The following PBX1 variants were observed in gnomAD, a reference collection of about 807,000 sequenced individuals.
PBX1 encodes the protein pre-B-cell leukemia transcription factor 1.
PBX1 carries 6 observed loss-of-function variants against 53.4 expected under a neutral mutation model. That is an observed-to-expected ratio of 0.11 (90% CI 0.06 to 0.22). PBX1 has a LOEUF of 0.22. PBX1 is among the 10% of genes least tolerant of loss of function. The probability of loss-of-function intolerance (pLI) is 1.00; values close to 1 mark genes in which losing one functional copy is unlikely to be tolerated. For synonymous variants in PBX1, 204 were observed against 212.3 expected (o/e 0.96, Z 0.34); for missense variants, 251 against 551.4 (o/e 0.46, Z 5.46).
intron 2 of PBX1, among the ~76,000 whole-genome samples, chr1:164,678,627 A>G (rs570266803): frequency 1.8e-4 from 27 of 152,254 alleles, no homozygotes; most frequent in African/African-American, 6.0e-4. Context: ...CCCTGCAACA[A>G]TTTAACCTAT....
At chr1:164,806,325 G>T (rs1385629874) in intron 4 of PBX1, among the ~76,000 whole-genome samples, 1 of 151,754 alleles carries the variant, frequency 6.6e-6, no homozygotes, top group Non-Finnish European at 1.5e-5. Flanking sequence ...TCTCCTTTTT[G>T]GCAACCTGTA....
chr1:164,576,508 C>T (rs1283450020), intron 2 of PBX1, among the ~76,000 whole-genome samples: 1 of 152,186 alleles, frequency 6.6e-6, no homozygotes, highest in South Asian at 2.1e-4. Flanking sequence ...GAGTTCCCAG[C>T]GCAGGCCGCA....
chr1:164,722,380 C>G (rs764793816), intron 2 of PBX1, among the ~76,000 whole-genome samples: 4 of 152,160 alleles, frequency 2.6e-5, no homozygotes, highest in African/African-American at 9.7e-5. Context: ...TTAATTCCAT[C>G]GATTTGAAAT....
chr1:164,693,846 A>C, intron 2 of PBX1, among the ~76,000 whole-genome samples: 1 of 152,176 alleles, frequency 6.6e-6, no homozygotes, highest in East Asian at 1.9e-4. Context: ...ACGTGCAGCT[A>C]ATCATAGGCA....
At chr1:164,876,729 C>T (rs1416434997) in intron 2 of PBX1, among the ~76,000 whole-genome samples, 1 of 152,126 alleles carries the variant, frequency 6.6e-6, no homozygotes, top group Non-Finnish European at 1.5e-5. Context: ...TAGCTGTTTT[C>T]TTCTTTGCAT....
In PBX1 at chr1:164,846,495, C is replaced by T. The variant is rs1671575006; in HGVS notation, c.1201-89C>T. 12 of 1,080,670 alleles carry T rather than the reference C, an allele frequency of 1.1e-5. No individual in the cohort carries two copies. The East Asian group carries it at 2.6e-4, about 23-fold the overall frequency. 66.9% of individuals were successfully genotyped at this position (1,080,670 alleles called of 1,614,324 possible). On this transcript the variant is annotated intron_variant, in intron 8 of 8. Transcript: ENST00000420696. ...CCATGTGCCAGGCACTATGCTAGGT[C>T]CTTTACACAAGATGCCTCATTGTCA...
At chr1:164,749,296 C>T (rs1419395025) in intron 2 of PBX1, among the ~76,000 whole-genome samples, 1 of 152,096 alleles carries the variant, frequency 6.6e-6, no homozygotes, top group East Asian at 1.9e-4. Flanking sequence ...CAACTTAATA[C>T]AGAAATTTTC....
intron 2 of PBX1, among the ~76,000 whole-genome samples, chr1:164,786,681 CTGTGTGTGTGTGTG>C (rs74747780): frequency 1.7e-3 from 234 of 140,610 alleles, no homozygotes; most frequent in African/African-American, 4.5e-3. Flanking sequence ...TCAGAAGAGA[CTGTGTGTGTGTGTG>C]TGTGTGTGTG....
At chr1:164,803,466 C>T (rs3767370) in intron 4 of PBX1, among the ~76,000 whole-genome samples, 74,961 of 152,002 alleles carry the variant, frequency 0.49, 18,810 homozygotes, top group South Asian at 0.57. Context: ...ACACAAGGGT[C>T]TCAAATATGA....
At chr1:164,565,189 G>T (rs1249092820) in intron 2 of PBX1, among the ~76,000 whole-genome samples, 1 of 152,006 alleles carries the variant, frequency 6.6e-6, no homozygotes, top group Non-Finnish European at 1.5e-5. Flanking sequence ...TTCGCTCCTT[G>T]TTCATGTTGG....
chr1:164,584,362 A>AG, intron 2 of PBX1, among the ~76,000 whole-genome samples: 1 of 151,088 alleles, frequency 6.6e-6, no homozygotes, highest in African/African-American at 2.5e-5. Context: ...AGAGAGAGAG[A>AG]AAGAGAGAGA....
chr1:164,843,297 A>C (rs1055593135), intron 8 of PBX1, among the ~76,000 whole-genome samples: 4 of 152,186 alleles, frequency 2.6e-5, no homozygotes, highest in African/African-American at 9.7e-5. Flanking sequence ...GCTTCTTCTA[A>C]AAAGTATTTG....
At chr1:164,786,625 A>G (rs1248062657) in intron 2 of PBX1, among the ~76,000 whole-genome samples, 3 of 151,534 alleles carry the variant, frequency 2.0e-5, no homozygotes, top group African/African-American at 4.8e-5. Flanking sequence ...TTCCATTACT[A>G]TCTGATTGTT....
At chr1:164,682,951 A>G (rs1661874570) in intron 2 of PBX1, 1 of 152,244 alleles carries the variant, frequency 6.6e-6, no homozygotes, top group Non-Finnish European at 1.5e-5. Flanking sequence ...CCCATAGGCG[A>G]GTACTGCTCA....
intron 2 of PBX1, among the ~76,000 whole-genome samples, chr1:164,612,343 C>T (rs1023864907): frequency 2.0e-5 from 3 of 152,108 alleles, no homozygotes; most frequent in Admixed American, 2.0e-4. Flanking sequence ...CATTGAGCAG[C>T]TGCAACGGTT....
At chr1:164,655,383 G>A (rs1660104599) in intron 2 of PBX1, among the ~76,000 whole-genome samples, 1 of 152,134 alleles carries the variant, frequency 6.6e-6, no homozygotes, top group Non-Finnish European at 1.5e-5. Context: ...AAAGTGCTGG[G>A]ATTATAGGAG....
At chr1:164,671,543 C>A (rs888789905) in intron 2 of PBX1, among the ~76,000 whole-genome samples, 3 of 152,104 alleles carry the variant, frequency 2.0e-5, no homozygotes, top group African/African-American at 7.2e-5. Context: ...GCTGTTTTAC[C>A]GCCTGCTTCA....
chr1:164,698,825 C>A (rs1662938401), intron 2 of PBX1, among the ~76,000 whole-genome samples: 1 of 152,196 alleles, frequency 6.6e-6, no homozygotes, highest in Non-Finnish European at 1.5e-5. Flanking sequence ...CTCAAGCATT[C>A]ACTCAGGTAA....
intron 2 of PBX1, among the ~76,000 whole-genome samples, chr1:164,698,007 A>T (rs1044934953): frequency 1.3e-5 from 2 of 152,140 alleles, no homozygotes; most frequent in African/African-American, 4.8e-5. Context: ...GAATGCAGGC[A>T]TTATTCTGAA....
Sources: gnomAD v4.1 joint callset for allele counts (sites outside exome capture counted in the v4.1 genomes callset) on GRCh38, gnomAD v4.1.1 for gene constraint, MANE v1.5 for transcripts, NCBI Gene and HGNC (gene_info 2026-07-23, HGNC 2026-07-21) for gene names.